UBA6: variants seen among roughly 807,000 people sequenced by gnomAD.
The protein encoded by UBA6 is ubiquitin like modifier activating enzyme 6.
In UBA6, 87 loss-of-function variants were observed where a neutral mutation model predicts 148.3. That is an observed-to-expected ratio of 0.59 (90% CI 0.49 to 0.70). The LOEUF (loss-of-function observed/expected upper bound fraction) is 0.70, where lower values mean the gene tolerates loss of function less well. UBA6 is among the 30% of genes least tolerant of loss of function. UBA6 has a pLI of 0.00. For synonymous variants in UBA6, 376 were observed against 401.0 expected (o/e 0.94, Z 0.75); for missense variants, 1,186 against 1,241.2 (o/e 0.96, Z 0.67).
chr4:67,645,840 C>A, intron 16 of UBA6, 98 bp downstream of exon 16: 1 of 578,008 alleles, frequency 1.7e-6, no homozygotes. Flanking sequence ...AACTACTCAC[C>A]TGTACTCTAC....
rs1384928255 is a variant in UBA6, at chr4:67,677,738, A to G, written c.354-16T>C. On this transcript the variant is annotated splice_polypyrimidine_tract_variant and intron_variant, in intron 5 of 32. Transcript: ENST00000322244. Reference sequence around the variant, plus strand: ...AGCTTCAGCCCTAAAAAAATAAAATAAATTTTTACTGTTCTTTAATTCAAT... The same window carrying G: ...AGCTTCAGCCCTAAAAAAATAAAATGAATTTTTACTGTTCTTTAATTCAAT... The G allele has an allele frequency of 2.9e-6, 4 of 1,369,708 alleles. No individual in the cohort carries two copies. The highest frequency in any genetic ancestry group is 1.9e-5 in the Admixed American group (1 of 53,816). 84.8% of individuals were successfully genotyped at this position (1,369,708 alleles called of 1,614,324 possible).
chr4:67,663,677 C>CT, intron 11 of UBA6: 1 of 509,052 alleles, frequency 2.0e-6, no homozygotes, highest in Non-Finnish European at 3.5e-6. Flanking sequence ...TTTCCTATTA[C>CT]TTTATCATTT....
chr4:67,616,047 T>A lies in UBA6; in HGVS notation c.*2950A>T. 1 of 390,312 alleles carries A rather than the reference T, an allele frequency of 2.6e-6. No homozygotes were observed. The highest frequency in any genetic ancestry group is 2.1e-5 in the African/African-American group (1 of 48,350). 24.2% of individuals were successfully genotyped at this position (390,312 alleles called of 1,614,324 possible). On this transcript the variant is annotated 3_prime_UTR_variant, in exon 33 of 33. Transcript: ENST00000322244. ...TTTTATGTATTTTTGAATATATATG[T>A]GTTTTTGAAAAATATATATTTCTCA...
At chr4:67,692,159 A>AT (rs1369350020) in intron 2 of UBA6, among the ~76,000 whole-genome samples, 6 of 152,216 alleles carry the variant, frequency 3.9e-5, no homozygotes, top group African/African-American at 1.4e-4. Flanking sequence ...GGATAGTTTG[A>AT]TAACTTTAGA....
At chr4:67,637,469 C>T (rs890695929) in intron 19 of UBA6, among the ~76,000 whole-genome samples, 3 of 152,202 alleles carry the variant, frequency 2.0e-5, no homozygotes, top group East Asian at 3.9e-4. Flanking sequence ...GCCATGATGA[C>T]GATGGCGGTT....
chr4:67,681,179 T>C (rs1359144020), intron 4 of UBA6, among the ~76,000 whole-genome samples: 1 of 152,224 alleles, frequency 6.6e-6, no homozygotes, highest in Non-Finnish European at 1.5e-5. Flanking sequence ...ATTAAGAGCT[T>C]GTTACATTTT....
At chr4:67,674,429 C>G (rs974270583) in intron 6 of UBA6, among the ~76,000 whole-genome samples, 6 of 152,226 alleles carry the variant, frequency 3.9e-5, no homozygotes, top group African/African-American at 1.4e-4. Context: ...TCTTAGCTTG[C>G]TTTAAAACAG....
At chr4:67,625,593 G>A (rs916076148) in intron 28 of UBA6, among the ~76,000 whole-genome samples, 2 of 151,868 alleles carry the variant, frequency 1.3e-5, no homozygotes, top group African/African-American at 4.8e-5. Context: ...TTTTCCCTCT[G>A]GTAACTAAGA....
chr4:67,690,226 T>C (rs1730663502), intron 2 of UBA6, among the ~76,000 whole-genome samples: 2 of 152,070 alleles, frequency 1.3e-5, no homozygotes, highest in Admixed American at 6.6e-5. Flanking sequence ...GGGCCTTCAA[T>C]AAATGGTGCT....
chr4:67,656,994 AAGG>A (rs1729714330), intron 13 of UBA6, among the ~76,000 whole-genome samples: 1 of 152,208 alleles, frequency 6.6e-6, no homozygotes, highest in African/African-American at 2.4e-5. Context: ...GGACCTCCTC[AAGG>A]AGAAGTACAA....
intron 9 of UBA6, 88 bp from the exon 10 acceptor site, chr4:67,665,380 C>T: frequency 4.0e-6 from 3 of 757,800 alleles, no homozygotes; most frequent in South Asian, 2.0e-5. Context: ...TTAATTATCC[C>T]TAATTTACAA....
At chr4:67,686,346 A>T (rs144480300) in intron 2 of UBA6, among the ~76,000 whole-genome samples, 7 of 152,104 alleles carry the variant, frequency 4.6e-5, no homozygotes, top group Non-Finnish European at 1.0e-4. Context: ...TCCAAGCATA[A>T]CATCATTTTG....
Position 67,618,776 on chromosome 4 carries a change from G to A in UBA6, c.*221C>T, listed in dbSNP as rs943007532. 9.8e-6 allele frequency: 4 copies of A among 409,670 alleles called. No homozygotes were observed. Among genetic ancestry groups the A allele is most frequent in the East Asian group, 3.9e-5 (1 of 25,810 alleles). 25.4% of individuals were successfully genotyped at this position (409,670 alleles called of 1,614,324 possible). A position where few individuals can be genotyped will look rare whatever the true frequency, so the allele number is the denominator to read the frequency against. ...GTAAATAGCATTCCAGTTCAAAGTT[G>A]CTTGTGATCATAGCCACGTGTGAAC... On this transcript the variant is annotated 3_prime_UTR_variant, in exon 33 of 33. Transcript: ENST00000322244.
chr4:67,680,574 A>T (rs1730408547), intron 4 of UBA6, among the ~76,000 whole-genome samples: 1 of 152,246 alleles, frequency 6.6e-6, no homozygotes, highest in African/African-American at 2.4e-5. Flanking sequence ...CAAGCTTTCA[A>T]TAAAATGTCT....
intron 26 of UBA6, among the ~76,000 whole-genome samples, chr4:67,630,166 T>C (rs1426681491): frequency 6.6e-6 from 1 of 152,148 alleles, no homozygotes; most frequent in Non-Finnish European, 1.5e-5. Context: ...TTAGAATAAC[T>C]AGGATAACTG....
intron 16 of UBA6, among the ~76,000 whole-genome samples, 161 bp from the exon 17 acceptor site, chr4:67,644,939 A>T (rs1349022701): frequency 6.6e-6 from 1 of 152,226 alleles, no homozygotes; most frequent in East Asian, 1.9e-4. Context: ...TTTAAACAGA[A>T]GACATTTAAA....
intron 2 of UBA6, among the ~76,000 whole-genome samples, chr4:67,689,323 G>A (rs1019351901): frequency 6.6e-6 from 1 of 151,990 alleles, no homozygotes; most frequent in Non-Finnish European, 1.5e-5. Flanking sequence ...TTTAAATCAA[G>A]AAGCATCTGT....
chr4:67,625,312 A>C (rs777030647), intron 28 of UBA6, 125 bp from the exon 29 acceptor site: 78 of 747,658 alleles, frequency 1.0e-4, no homozygotes, highest in Non-Finnish European at 1.4e-4. Flanking sequence ...ACTGAGAAAC[A>C]TAAGAAAAAT....
intron 13 of UBA6, among the ~76,000 whole-genome samples, chr4:67,660,672 T>C (rs192686289): frequency 6.6e-6 from 1 of 152,192 alleles, no homozygotes; most frequent in Non-Finnish European, 1.5e-5. Context: ...TAATGTGGGG[T>C]TGGAGCCCCC....
Sources: gnomAD v4.1 joint callset for allele counts (sites outside exome capture counted in the v4.1 genomes callset) on GRCh38, gnomAD v4.1.1 for gene constraint, MANE v1.5 for transcripts, NCBI Gene and HGNC (gene_info 2026-07-23, HGNC 2026-07-21) for gene names.